Variants in SMYD3 observed in about 807,000 individuals in gnomAD.
The protein encoded by SMYD3 is histone-lysine N-methyltransferase SMYD3.
Under a neutral mutation model 57.7 loss-of-function variants are expected in SMYD3, and 36 were observed. That is an observed-to-expected ratio of 0.62 (90% CI 0.48 to 0.82). The LOEUF (loss-of-function observed/expected upper bound fraction) is 0.82. Ranked by LOEUF, SMYD3 falls within the 40% of genes least tolerant of loss-of-function variation. SMYD3 has a pLI of 0.00. For missense variants in SMYD3, 515 were observed against 538.8 expected (o/e 0.96, Z 0.44); for synonymous variants, 211 against 195.0 (o/e 1.08, Z -0.68).
At chr1:246,273,110 T>C (rs1348936019) in intron 5 of SMYD3, among the ~76,000 whole-genome samples, 3 of 143,124 alleles carry the variant, frequency 2.1e-5, no homozygotes, top group Non-Finnish European at 4.4e-5. Context: ...TCATTCTGTA[T>C]GATTCATAAT....
At chr1:246,089,553 G>C (rs1456427774) in intron 5 of SMYD3, among the ~76,000 whole-genome samples, 2 of 152,124 alleles carry the variant, frequency 1.3e-5, no homozygotes, top group Non-Finnish European at 2.9e-5. Context: ...CCGTGAGAAA[G>C]GAACATATGA....
At chr1:246,274,715 C>G (rs1234302574) in intron 5 of SMYD3, among the ~76,000 whole-genome samples, 1 of 151,998 alleles carries the variant, frequency 6.6e-6, no homozygotes, top group Non-Finnish European at 1.5e-5. Context: ...CAATCAAATC[C>G]CATGGGAATA....
At chr1:245,770,674 A>C (rs2046297908) in intron 10 of SMYD3, among the ~76,000 whole-genome samples, 1 of 152,260 alleles carries the variant, frequency 6.6e-6, no homozygotes, top group African/African-American at 2.4e-5. Context: ...CAATATAGAC[A>C]GTGACATAAG....
chr1:245,928,942 G>T (rs1297934113), intron 6 of SMYD3, among the ~76,000 whole-genome samples: 2 of 152,188 alleles, frequency 1.3e-5, no homozygotes, highest in African/African-American at 4.8e-5. Context: ...ATGGATTTAA[G>T]CTGCTATCAG....
intron 1 of SMYD3, among the ~76,000 whole-genome samples, chr1:246,443,938 C>A (rs578238857): frequency 4.0e-5 from 6 of 151,512 alleles, no homozygotes; most frequent in Middle Eastern, 6.8e-3. Flanking sequence ...AAGTGCTAAT[C>A]TGCCTTCCCT....
intron 5 of SMYD3, among the ~76,000 whole-genome samples, chr1:246,153,830 T>C (rs2061980037): frequency 6.6e-6 from 1 of 152,126 alleles, no homozygotes; most frequent in Non-Finnish European, 1.5e-5. Context: ...CTACAACACT[T>C]TATTTATCCC....
At chr1:245,861,355 T>G (rs1456882417) in intron 9 of SMYD3, among the ~76,000 whole-genome samples, 1 of 152,154 alleles carries the variant, frequency 6.6e-6, no homozygotes, top group Non-Finnish European at 1.5e-5. Flanking sequence ...GGATATCTTT[T>G]TTTCCTGAAT....
chr1:245,875,280 C>T (rs1471697481), intron 8 of SMYD3, among the ~76,000 whole-genome samples: 4 of 152,108 alleles, frequency 2.6e-5, no homozygotes, highest in East Asian at 3.8e-4. Context: ...AAAGGTCTGA[C>T]GGAGCTTCAT....
At chr1:245,907,032 CAG>C (rs1287539123) in intron 8 of SMYD3, among the ~76,000 whole-genome samples, 1 of 152,060 alleles carries the variant, frequency 6.6e-6, no homozygotes, top group Non-Finnish European at 1.5e-5. Flanking sequence ...AACTCATGGA[CAG>C]AGAGAGTAGA....
intron 5 of SMYD3, among the ~76,000 whole-genome samples, chr1:246,023,994 A>G (rs72770839): frequency 1.3e-5 from 2 of 152,332 alleles, no homozygotes; most frequent in Non-Finnish European, 2.9e-5. Context: ...TTATATGACT[A>G]TCACTGTTAG....
intron 1 of SMYD3, among the ~76,000 whole-genome samples, chr1:246,362,533 GC>G (rs2066009559): frequency 6.6e-6 from 1 of 152,112 alleles, no homozygotes; most frequent in Admixed American, 6.5e-5. Context: ...CTGTACTGCT[GC>G]CATCTCGGCT....
intron 7 of SMYD3, among the ~76,000 whole-genome samples, chr1:245,927,562 C>T (rs570215747): frequency 2.0e-5 from 3 of 152,180 alleles, no homozygotes; most frequent in Non-Finnish European, 2.9e-5. Context: ...TGGGATGCCC[C>T]CCCCTGCCCA....
rs530802713 is a variant in SMYD3, at chr1:246,251,186, G to A, written c.531+76015C>T. Among the ~76,000 whole-genome samples the A allele has an allele frequency of 1.2e-3, 178 of 152,322 alleles. 2 individuals carry two copies. The highest frequency in any genetic ancestry group is 5.1e-4 in the Non-Finnish European group (35 of 68,024). ...AAAAAGTCCATTTGAGTTGGGAGCAGGGGTTGTGTTCCTGGATTTGGGTTG... is the reference window on the plus strand; with the variant it reads ...AAAAAGTCCATTTGAGTTGGGAGCAAGGGTTGTGTTCCTGGATTTGGGTTG... On this transcript the variant is annotated intron_variant, in intron 5 of 11. Coordinates refer to ENST00000490107, the MANE Select transcript of SMYD3 (RefSeq NM_001167740.2).
At chr1:246,101,124 G>A (rs1336168093) in intron 5 of SMYD3, among the ~76,000 whole-genome samples, 2 of 111,788 alleles carry the variant, frequency 1.8e-5, no homozygotes, top group African/African-American at 3.4e-5. Flanking sequence ...CTTATAATAT[G>A]TGAAGTTCTG....
intron 5 of SMYD3, among the ~76,000 whole-genome samples, chr1:246,310,974 TA>T (rs2065067220): frequency 6.6e-6 from 1 of 152,090 alleles, no homozygotes. Context: ...GGCCTAACAG[TA>T]AGGCTTTAAA....
chr1:246,249,657 C>T (rs1338773599), intron 5 of SMYD3, among the ~76,000 whole-genome samples: 1 of 151,960 alleles, frequency 6.6e-6, no homozygotes, highest in African/African-American at 2.4e-5. Context: ...ACAGTTTTAC[C>T]TAAAGTAACA....
At chr1:245,930,342 T>C (rs3738057) in intron 5 of SMYD3, 281,056 of 356,438 alleles carry the variant, frequency 0.79, 116,298 homozygotes, top group Non-Finnish European at 0.89. Flanking sequence ...AGTTTCCAAA[T>C]GCCACTGTGT....
At chr1:246,261,069 G>T (rs10924648) in intron 5 of SMYD3, among the ~76,000 whole-genome samples, 31,266 of 151,374 alleles carry the variant, frequency 0.21, 3,936 homozygotes, top group East Asian at 0.58. Flanking sequence ...TGTTGTTGTT[G>T]TTTATTTGAG....
intron 5 of SMYD3, among the ~76,000 whole-genome samples, chr1:245,997,503 A>G (rs2058954211): frequency 6.6e-6 from 1 of 152,226 alleles, no homozygotes; most frequent in Non-Finnish European, 1.5e-5. Context: ...TTCACCTCAC[A>G]TGATTTCACT....
Sources: allele counts gnomAD v4.1 joint callset (sites outside exome capture counted in the v4.1 genomes callset), GRCh38; gene constraint gnomAD v4.1.1; transcripts MANE v1.5; gene names NCBI Gene and HGNC (gene_info 2026-07-23, HGNC 2026-07-21).